The following IGFL2 variants were observed in gnomAD, a reference collection of about 807,000 sequenced individuals.
IGFL2 encodes insulin growth factor-like family member 2.
A neutral mutation model predicts 13.9 loss-of-function variants in IGFL2; 7 were observed. The ratio of observed to expected loss-of-function variants is 0.51; its 90% CI spans 0.29 to 0.95. The LOEUF (loss-of-function observed/expected upper bound fraction) is 0.95, where lower values mean the gene tolerates loss of function less well. Ranked by LOEUF, IGFL2 falls within the 40% of genes least tolerant of loss-of-function variation. The probability of loss-of-function intolerance (pLI) is 0.08; values close to 1 mark genes in which losing one functional copy is unlikely to be tolerated. For synonymous variants in IGFL2, 55 were observed against 55.8 expected (o/e 0.99, Z 0.07); for missense variants, 138 against 147.8 (o/e 0.93, Z 0.34).
At position 46,160,730 on chromosome 19, in the gene IGFL2, C is replaced by T. The variant is rs199636519; in HGVS notation, c.190C>T (p.Arg64Cys). Residue 64 changes from arginine (R) to cysteine (C), a missense_variant, in exon 3 of 4, where the codon CGC becomes TGC. Coordinates refer to ENST00000377693, the MANE Select transcript of IGFL2 (RefSeq NM_001135113.2). Reference protein sequence around the residue: ...NDAIVSLSETRQCGPPCTFWP... With the variant: ...NDAIVSLSETCQCGPPCTFWP... ...CGCCATCGTGTCCCTGAGCGAGACCCGCCAATGTGGTCCCCCCTGCACCTT... is the reference window on the plus strand; with the variant it reads ...CGCCATCGTGTCCCTGAGCGAGACCTGCCAATGTGGTCCCCCCTGCACCTT... 1.2e-3 allele frequency: 1,916 copies of T among 1,614,092 alleles called. 20 individuals are homozygous for T. The highest frequency in any genetic ancestry group is 0.012 in the South Asian group (1,073 of 91,074).
At chr19:46,080,459 T>G in the IGFL2 span, among the ~76,000 whole-genome samples, 1 of 152,340 alleles carries the variant, frequency 6.6e-6, no homozygotes, top group East Asian at 1.9e-4. Context: ...AGTAATTAAA[T>G]TCTGTGAGTC....
chr19:46,183,371 T>G, the IGFL2 span, among the ~76,000 whole-genome samples: 3 of 151,736 alleles, frequency 2.0e-5, no homozygotes, highest in African/African-American at 7.3e-5. Context: ...CCAGTTTCCA[T>G]TCTCTCTCCC....
chr19:46,140,522 G>A (rs945156856), upstream of IGFL2, among the ~76,000 whole-genome samples: 1 of 152,126 alleles, frequency 6.6e-6, no homozygotes, highest in African/African-American at 2.4e-5. Flanking sequence ...TGAAGAAAAT[G>A]TTCTCTGGGA....
chr19:46,194,841 T>TAG, the IGFL2 span, among the ~76,000 whole-genome samples: 1 of 38,918 alleles, frequency 2.6e-5, no homozygotes, highest in Non-Finnish European at 6.3e-5. Flanking sequence ...TATATATATA[T>TAG]ATATATATAT....
the IGFL2 span, among the ~76,000 whole-genome samples, chr19:46,081,003 A>T: frequency 2.6e-5 from 4 of 152,150 alleles, no homozygotes; most frequent in African/African-American, 9.7e-5. Context: ...CGCACTGGGG[A>T]TCATCAGCCC....
the IGFL2 span, among the ~76,000 whole-genome samples, chr19:46,112,274 C>T: frequency 6.6e-6 from 1 of 152,154 alleles, no homozygotes; most frequent in Non-Finnish European, 1.5e-5. Context: ...CCAAGATCTG[C>T]AATTATGACA....
intron 1 of IGFL2, among the ~76,000 whole-genome samples, chr19:46,149,748 A>C (rs565293607): frequency 2.8e-4 from 43 of 152,286 alleles, no homozygotes; most frequent in Admixed American, 6.5e-4. Flanking sequence ...AATTGTATCC[A>C]TGTATCAGCA....
At chr19:46,178,134 G>T in the IGFL2 span, among the ~76,000 whole-genome samples, 1 of 152,014 alleles carries the variant, frequency 6.6e-6, no homozygotes, top group Non-Finnish European at 1.5e-5. Context: ...AAAATTAGTC[G>T]GGCATGGTGG....
chr19:46,158,987 A>T (rs1041006717), intron 1 of IGFL2: 5 of 152,114 alleles, frequency 3.3e-5, no homozygotes, highest in Non-Finnish European at 7.3e-5. Flanking sequence ...GATTTTGTTT[A>T]TCTGGGCTGC....
chr19:46,181,445 G>C, the IGFL2 span: 1 of 152,188 alleles, frequency 6.6e-6, no homozygotes, highest in Non-Finnish European at 1.5e-5. Context: ...GTTGCTTCCT[G>C]CCCCAGAGTC....
the IGFL2 span, chr19:46,197,206 C>T: frequency 4.7e-6 from 1 of 211,372 alleles, no homozygotes; most frequent in South Asian, 7.7e-5. Context: ...GTCCCTCAGT[C>T]CCCCAGCGTC....
the IGFL2 span, among the ~76,000 whole-genome samples, chr19:46,201,738 G>T: frequency 6.6e-6 from 1 of 152,182 alleles, no homozygotes; most frequent in East Asian, 1.9e-4. Flanking sequence ...TTAAGGTTGG[G>T]GGATACAAGA....
the IGFL2 span, among the ~76,000 whole-genome samples, chr19:46,135,704 A>G: frequency 6.7e-6 from 1 of 150,164 alleles, no homozygotes; most frequent in East Asian, 2.0e-4. Context: ...CCTCAAAGGG[A>G]AGACTTTCCT....
At chr19:46,128,268 A>G in the IGFL2 span, among the ~76,000 whole-genome samples, 1 of 152,166 alleles carries the variant, frequency 6.6e-6, no homozygotes, top group Non-Finnish European at 1.5e-5. Flanking sequence ...TTTTCTAGAT[A>G]CAGGATCATG....
chr19:46,128,738 C>T, the IGFL2 span, among the ~76,000 whole-genome samples: 1 of 152,132 alleles, frequency 6.6e-6, no homozygotes, highest in Non-Finnish European at 1.5e-5. Flanking sequence ...CTGCTGGATT[C>T]AGTTTGCCGG....
At chr19:46,126,577 C>G in the IGFL2 span, among the ~76,000 whole-genome samples, 1 of 152,198 alleles carries the variant, frequency 6.6e-6, no homozygotes. Context: ...CCCCATAAAG[C>G]ACTTGGTTGT....
the IGFL2 span, among the ~76,000 whole-genome samples, chr19:46,126,834 A>AC: frequency 9.9e-5 from 15 of 152,180 alleles, no homozygotes; most frequent in African/African-American, 2.4e-5. Flanking sequence ...GTCCCTGTAC[A>AC]ACTGGCAGCA....
At chr19:46,176,665 A>G in the IGFL2 span, among the ~76,000 whole-genome samples, 1 of 152,092 alleles carries the variant, frequency 6.6e-6, no homozygotes, top group East Asian at 1.9e-4. Context: ...GGATCTACAC[A>G]TGTGGGTGCT....
the IGFL2 span, among the ~76,000 whole-genome samples, chr19:46,170,889 A>G: frequency 6.6e-6 from 1 of 152,180 alleles, no homozygotes; most frequent in Non-Finnish European, 1.5e-5. Context: ...ACGGCGGGAC[A>G]TGAAACTTCA....
Sources: allele counts gnomAD v4.1 joint callset (sites outside exome capture counted in the v4.1 genomes callset), GRCh38; gene constraint gnomAD v4.1.1; transcripts MANE v1.5; gene names NCBI Gene and HGNC (gene_info 2026-07-23, HGNC 2026-07-21).